CCDC7: variants seen among roughly 807,000 people sequenced by gnomAD.
The protein encoded by CCDC7 is coiled-coil domain containing 7, also known as coiled-coil domain-containing protein 7.
CCDC7 carries 183 observed loss-of-function variants against 196.9 expected under a neutral mutation model. The ratio of observed to expected loss-of-function variants is 0.93; its 90% confidence interval spans 0.82 to 1.05. The LOEUF (loss-of-function observed/expected upper bound fraction) is 1.05, where lower values mean the gene tolerates loss of function less well. CCDC7 is among the 50% of genes least tolerant of loss of function. The probability of loss-of-function intolerance (pLI) is 0.00; values close to 1 mark genes in which losing one functional copy is unlikely to be tolerated. For missense variants in CCDC7, 1,540 were observed against 1,482.2 expected (o/e 1.04, Z -0.64); for synonymous variants, 525 against 484.6 (o/e 1.08, Z -1.10).
At position 32,656,260 on chromosome 10, in the gene CCDC7, AT is replaced by A. The variant is rs2069840174; in HGVS notation, c.2015-7792del. 2.6e-5 allele frequency among the ~76,000 whole-genome samples: 4 copies of A among 152,250 alleles called. No homozygotes were observed. In the South Asian group the frequency reaches 8.3e-4, roughly 32 times the overall value. ...TGGGCATACAGTCAAAAGAAATTAA[AT>A]TAGTATGTCAAAGAGATATCAGCAA... is the stretch of plus-strand genomic sequence containing the variant. On this transcript the variant is annotated intron_variant, in intron 20 of 41. Transcript: ENST00000639629.
At chr10:32,725,484 A>G in intron 25 of CCDC7, 1 of 441,458 alleles carries the variant, frequency 2.3e-6, no homozygotes, top group South Asian at 1.7e-5. Flanking sequence ...CCCACTTCTT[A>G]TCCTTATTGA....
intron 29 of CCDC7, among the ~76,000 whole-genome samples, chr10:32,782,576 C>T (rs1436831537): frequency 6.6e-6 from 1 of 152,130 alleles, no homozygotes; most frequent in African/African-American, 2.4e-5. Flanking sequence ...TGATCTACAC[C>T]TTCAATGCAA....
At chr10:32,703,878 G>A (rs1317701015) in intron 24 of CCDC7, among the ~76,000 whole-genome samples, 1 of 151,940 alleles carries the variant, frequency 6.6e-6, no homozygotes, top group East Asian at 1.9e-4. Context: ...TGTCCTTTAA[G>A]GACCTCTCTG....
intron 3 of CCDC7, among the ~76,000 whole-genome samples, chr10:32,462,333 G>A (rs2035912456): frequency 6.6e-6 from 1 of 152,184 alleles, no homozygotes; most frequent in Admixed American, 6.5e-5. Context: ...GCTGAGGCAA[G>A]AGGATCACTT....
In CCDC7 at chr10:32,855,764, C is replaced by T. The variant is rs568730186; in HGVS notation, c.4111+1275C>T. Among the ~76,000 whole-genome samples, 19 of 152,146 alleles carry T rather than the reference C, an allele frequency of 1.2e-4. No homozygotes were observed. The South Asian group carries it at 3.7e-3, about 30-fold the overall frequency. The stretch of plus-strand genomic sequence containing the variant: ...GGAGACCCTGCCCCTATAAGGGACC[C>T]GATAGTCAAAATAATCTTGACAAAG... On this transcript the variant is annotated intron_variant, in intron 41 of 41. Coordinates refer to ENST00000639629, the Ensembl canonical transcript of CCDC7.
intron 18 of CCDC7, among the ~76,000 whole-genome samples, chr10:32,602,324 C>G (rs2061137148): frequency 6.7e-6 from 1 of 149,318 alleles, no homozygotes; most frequent in Admixed American, 6.6e-5. Flanking sequence ...CTGGACACAC[C>G]ATCTTTAAGA....
chr10:32,510,857 A>G (rs2046000575), intron 9 of CCDC7, among the ~76,000 whole-genome samples: 1 of 152,112 alleles, frequency 6.6e-6, no homozygotes, highest in Non-Finnish European at 1.5e-5. Flanking sequence ...TAAAGTATCT[A>G]TACAGAAAAA....
At chr10:32,695,909 A>T (rs1379544545) in intron 24 of CCDC7, among the ~76,000 whole-genome samples, 1 of 152,194 alleles carries the variant, frequency 6.6e-6, no homozygotes, top group Non-Finnish European at 1.5e-5. Context: ...ATGAGCCACC[A>T]ATAGTCAATT....
At chr10:32,788,170 C>G (rs2082147764) in intron 29 of CCDC7, among the ~76,000 whole-genome samples, 1 of 152,142 alleles carries the variant, frequency 6.6e-6, no homozygotes, top group African/African-American at 2.4e-5. Flanking sequence ...CAGACCGATC[C>G]CAGAGCCAGG....
At chr10:32,676,579 C>G (rs141070045) in intron 21 of CCDC7, among the ~76,000 whole-genome samples, 2,639 of 152,246 alleles carry the variant, frequency 0.017, 38 homozygotes, top group Admixed American at 0.029. Context: ...AAACACTTCT[C>G]AAAAGAAGAC....
chr10:32,818,836 G>C (rs9664575), intron 31 of CCDC7, among the ~76,000 whole-genome samples: 152 of 152,238 alleles, frequency 1.0e-3, no homozygotes, highest in African/African-American at 3.5e-3. Context: ...GAAATTTATA[G>C]CACTAATACC....
chr10:32,705,837 C>G (rs928973155), intron 24 of CCDC7, among the ~76,000 whole-genome samples: 1 of 152,082 alleles, frequency 6.6e-6, no homozygotes, highest in Non-Finnish European at 1.5e-5. Flanking sequence ...TAGAGACCTA[C>G]AAAGAGACTT....
chr10:32,504,400 A>G (rs1300973265), intron 9 of CCDC7, among the ~76,000 whole-genome samples: 1 of 152,184 alleles, frequency 6.6e-6, no homozygotes, highest in East Asian at 1.9e-4. Flanking sequence ...GGCATGAGCC[A>G]CCATGCCCGG....
Position 32,631,564 on chromosome 10 carries a change from T to C in CCDC7, c.1802-2690T>C, listed in dbSNP as rs143640309. On this transcript the variant is annotated intron_variant, in intron 18 of 41. Coordinates refer to ENST00000639629, the Ensembl canonical transcript of CCDC7. ...TTGATTACTGAAATTTTGTACCAAG[T>C]TTTTAAATTGGGAGTGACAGGCCTC... Among the ~76,000 whole-genome samples the C allele has an allele frequency of 3.9e-3, 598 of 152,234 alleles. 6 individuals carry two copies. The highest frequency in any genetic ancestry group is 0.014 in the African/African-American group (575 of 41,552).
chr10:32,630,800 T>C (rs1454663466), intron 18 of CCDC7, among the ~76,000 whole-genome samples: 1 of 152,194 alleles, frequency 6.6e-6, no homozygotes, highest in Non-Finnish European at 1.5e-5. Context: ...TCAATTTTTA[T>C]AATTTATATG....
intron 8 of CCDC7, among the ~76,000 whole-genome samples, chr10:32,486,116 T>C (rs1241779817): frequency 2.6e-5 from 4 of 152,202 alleles, no homozygotes; most frequent in African/African-American, 9.7e-5. Context: ...CTCCCATTAT[T>C]ATTGTGTGGG....
chr10:32,816,858 A>G (rs2088728120), intron 31 of CCDC7, among the ~76,000 whole-genome samples: 1 of 152,174 alleles, frequency 6.6e-6, no homozygotes, highest in Non-Finnish European at 1.5e-5. Flanking sequence ...TCAAAGACCA[A>G]AGGTAGATAA....
rs1037381150 is a variant in CCDC7 at position 32,663,925 on chromosome 10, T to C, written c.2015-129T>C. The C allele has an allele frequency of 5.0e-5, 18 of 360,784 alleles. No homozygotes were observed. The Admixed American group carries it at 8.3e-4, about 17-fold the overall frequency. 22.3% of individuals were successfully genotyped at this position (360,784 alleles called of 1,614,324 possible). A position where few individuals can be genotyped will look rare whatever the true frequency, so the allele number is the denominator to read the frequency against. Reference sequence around the variant, plus strand: ...TATTTTCATGTCAGATCTAGAATTATAGTAATTTACTTATATTTTACATGT... The same window carrying C: ...TATTTTCATGTCAGATCTAGAATTACAGTAATTTACTTATATTTTACATGT... On this transcript the variant is annotated intron_variant, in intron 20 of 41. Transcript: ENST00000639629.
rs147644997 is a variant in CCDC7 at position 32,693,517 on chromosome 10, T to A, written c.2345-1362T>A. Among the ~76,000 whole-genome samples the A allele has an allele frequency of 8.8e-3, 1,334 of 152,332 alleles. 12 individuals carry two copies. The highest frequency in any genetic ancestry group is 0.027 in the Middle Eastern group (8 of 294). On this transcript the variant is annotated intron_variant, in intron 23 of 41. Coordinates refer to ENST00000639629, the Ensembl canonical transcript of CCDC7. ...ATCCCTTCAGGTCAATTTATAGACATGTTTAATTTGTTTTACAGTTACACT... is the reference window on the plus strand; with the variant it reads ...ATCCCTTCAGGTCAATTTATAGACAAGTTTAATTTGTTTTACAGTTACACT...
Sources: allele counts gnomAD v4.1 joint callset (sites outside exome capture counted in the v4.1 genomes callset), GRCh38; gene constraint gnomAD v4.1.1; transcripts MANE v1.5; gene names NCBI Gene and HGNC (gene_info 2026-07-23, HGNC 2026-07-21).